Variants in PACRG observed in about 807,000 individuals in gnomAD.
PACRG encodes the protein parkin coregulated gene protein.
A neutral mutation model predicts 29.7 loss-of-function variants in PACRG; 29 were observed. The ratio of observed to expected loss-of-function variants is 0.98; its 90% CI spans 0.73 to 1.33. The LOEUF is 1.33. PACRG is among the 40% of genes most tolerant of loss of function. PACRG has a pLI of 0.00. For synonymous variants in PACRG, 116 were observed against 118.7 expected, an observed-to-expected ratio of 0.98 and a Z score of 0.15; for missense variants, 279 against 316.2, an observed-to-expected ratio of 0.88 and a Z score of 0.89.
chr6:162,759,575 C>T lies in PACRG; in HGVS notation c.156+31184C>T, dbSNP rs9356059. On this transcript the variant is annotated intron_variant, in intron 1 of 4. Coordinates refer to ENST00000366888, the MANE Select transcript of PACRG (RefSeq NM_001080379.2). ...ATTTCATTTTCTTAGGAATTATTCT[C>T]CCAGCTTTACTAATAGTTGTGGTGA... Among the ~76,000 whole-genome samples, 25 of 152,262 alleles carry T rather than the reference C, an allele frequency of 1.6e-4. No individual in the cohort carries two copies. In the East Asian group the frequency reaches 4.1e-3, roughly 25 times the overall value.
chr6:163,224,654 C>A (rs111661616), intron 4 of PACRG, among the ~76,000 whole-genome samples: 13 of 152,080 alleles, frequency 8.5e-5, no homozygotes, highest in African/African-American at 2.7e-4. Flanking sequence ...TGAAACTGGG[C>A]CTTATCTCAC....
intron 1 of PACRG, among the ~76,000 whole-genome samples, chr6:162,733,467 ATTG>A (rs1257572639): frequency 1.3e-5 from 2 of 152,072 alleles, no homozygotes; most frequent in Admixed American, 6.5e-5. Context: ...TCTTATTATA[ATTG>A]TTATTTGTCT....
intron 4 of PACRG, among the ~76,000 whole-genome samples, chr6:163,145,995 T>G (rs1777787029): frequency 6.6e-6 from 1 of 152,136 alleles, no homozygotes; most frequent in South Asian, 2.1e-4. Context: ...ACCTCAAAAT[T>G]ATTGAATTTC....
chr6:163,044,149 T>G (rs567424210), intron 2 of PACRG, among the ~76,000 whole-genome samples: 2 of 150,046 alleles, frequency 1.3e-5, no homozygotes, highest in Admixed American at 1.3e-4. Flanking sequence ...TCAGCTTGCC[T>G]ATAATATGGG....
chr6:163,095,102 G>C (rs1239262678), intron 4 of PACRG, among the ~76,000 whole-genome samples: 1 of 152,116 alleles, frequency 6.6e-6, no homozygotes, highest in Non-Finnish European at 1.5e-5. Flanking sequence ...GATGGTCCTG[G>C]GAAGGGCTCA....
chr6:162,744,193 A>C (rs1780809757), intron 1 of PACRG, among the ~76,000 whole-genome samples: 1 of 152,152 alleles, frequency 6.6e-6, no homozygotes. Flanking sequence ...TTTTCTAGAA[A>C]TGTTCCTATG....
At chr6:162,742,941 A>G (rs1780711450) in intron 1 of PACRG, among the ~76,000 whole-genome samples, 1 of 151,636 alleles carries the variant, frequency 6.6e-6, no homozygotes, top group Non-Finnish European at 1.5e-5. Flanking sequence ...TTTTTGAGGG[A>G]CCTCCGTACT....
intron 1 of PACRG, among the ~76,000 whole-genome samples, chr6:162,778,233 G>T (rs1167156779): frequency 6.6e-6 from 1 of 152,172 alleles, no homozygotes; most frequent in Non-Finnish European, 1.5e-5. Flanking sequence ...CTGACTCAGT[G>T]GCAGTGGAGC....
intron 4 of PACRG, among the ~76,000 whole-genome samples, chr6:163,289,827 T>C (rs1035418001): frequency 8.8e-5 from 13 of 147,788 alleles, no homozygotes; most frequent in African/African-American, 2.3e-4. Flanking sequence ...TCCTCTTCTG[T>C]TTTTTTTTTC....
chr6:162,882,276 T>C (rs1351688381), intron 2 of PACRG, among the ~76,000 whole-genome samples: 1 of 116,644 alleles, frequency 8.6e-6, no homozygotes, highest in African/African-American at 3.3e-5. Flanking sequence ...TCCACCAAGG[T>C]TGGAGACCCT....
At chr6:162,974,407 T>G (rs1462084009) in intron 2 of PACRG, among the ~76,000 whole-genome samples, 1 of 152,208 alleles carries the variant, frequency 6.6e-6, no homozygotes, top group Non-Finnish European at 1.5e-5. Context: ...TACAAAATAT[T>G]GTACTTGAAA....
chr6:163,011,444 A>T (rs1281554485), intron 2 of PACRG, among the ~76,000 whole-genome samples: 1 of 152,190 alleles, frequency 6.6e-6, no homozygotes, highest in East Asian at 1.9e-4. Flanking sequence ...TGTAGTATAA[A>T]AGATAAAAAA....
intron 2 of PACRG, among the ~76,000 whole-genome samples, chr6:162,847,365 A>C (rs950367823): frequency 6.6e-6 from 1 of 151,894 alleles, no homozygotes; most frequent in Non-Finnish European, 1.5e-5. Flanking sequence ...CTTGCATGTG[A>C]CCTCTTGCAG....
At chr6:163,181,308 C>T (rs929160261) in intron 4 of PACRG, among the ~76,000 whole-genome samples, 1 of 152,150 alleles carries the variant, frequency 6.6e-6, no homozygotes, top group African/African-American at 2.4e-5. Flanking sequence ...GGAACTTTGA[C>T]CCACACACTC....
intron 1 of PACRG, among the ~76,000 whole-genome samples, chr6:162,771,925 A>C (rs577559044): frequency 6.6e-6 from 1 of 152,174 alleles, no homozygotes; most frequent in Non-Finnish European, 1.5e-5. Context: ...GGCTGCACAA[A>C]TGACTACATT....
chr6:162,731,804 A>G (rs1414036361), intron 1 of PACRG, among the ~76,000 whole-genome samples: 1 of 152,174 alleles, frequency 6.6e-6, no homozygotes, highest in African/African-American at 2.4e-5. Context: ...TTATATATTA[A>G]AATATTAATT....
chr6:162,844,085 ACAGAGGCAGG>A (rs1181915403), intron 2 of PACRG, among the ~76,000 whole-genome samples: 1 of 141,762 alleles, frequency 7.1e-6, no homozygotes, highest in Admixed American at 7.1e-5. Context: ...GGTGGAGCCT[ACAGAGGCAGG>A]CAGGCCTCCT....
In PACRG at chr6:163,062,110, T is replaced by A. The variant is rs767952665; in HGVS notation, c.292-40T>A. 6.2e-6 allele frequency: 10 copies of A among 1,604,966 alleles called. No individual in the cohort carries two copies. The South Asian group carries it at 1.0e-4, about 16-fold the overall frequency. On this transcript the variant is annotated intron_variant, in intron 2 of 4. Coordinates refer to ENST00000366888, the MANE Select transcript of PACRG (RefSeq NM_001080379.2). Reference sequence around the variant, plus strand: ...GCTTGTCTGCCGTGCTCTGCCCGAATGCTGTTTTCACATGGCGTCTCTTCT... The same window carrying A: ...GCTTGTCTGCCGTGCTCTGCCCGAAAGCTGTTTTCACATGGCGTCTCTTCT...
At chr6:162,732,361 AG>A (rs1244951779) in intron 1 of PACRG, among the ~76,000 whole-genome samples, 1 of 152,186 alleles carries the variant, frequency 6.6e-6, no homozygotes, top group South Asian at 2.1e-4. Flanking sequence ...CTTCACTATG[AG>A]GGCATGTCCC....
Sources: gnomAD v4.1 joint callset for allele counts (sites outside exome capture counted in the v4.1 genomes callset) on GRCh38, gnomAD v4.1.1 for gene constraint, MANE v1.5 for transcripts, NCBI Gene and HGNC (gene_info 2026-07-23, HGNC 2026-07-21) for gene names.